MCM7: variants seen among roughly 807,000 people sequenced by gnomAD.
MCM7 encodes DNA replication licensing factor MCM7.
MCM7 carries 95 observed loss-of-function variants against 83.5 expected under a neutral mutation model. The ratio of observed to expected loss-of-function variants is 1.14; its 90% confidence interval spans 0.96 to 1.35. MCM7 has a LOEUF of 1.35. Among genes scored for constraint, MCM7 ranks in the 40% most tolerant of loss-of-function variants. The pLI is 0.00. For missense variants in MCM7, 1,087 were observed against 957.4 expected, an observed-to-expected ratio of 1.14 and a Z score of -1.79; for synonymous variants, 461 against 352.7, an observed-to-expected ratio of 1.31 and a Z score of -3.44.
At chr7:100,099,556 C>T in intron 3 of MCM7, 33 bp downstream of exon 3, 1 of 1,609,840 alleles carries the variant, frequency 6.2e-7, no homozygotes, top group Non-Finnish European at 8.5e-7. Flanking sequence ...AAACGCCTCG[C>T]CCTTTGTTTG....
intron 1 of MCM7, chr7:100,100,663 C>A (rs1431722397): frequency 1.0e-6 from 1 of 990,336 alleles, no homozygotes; most frequent in Non-Finnish European, 1.2e-6. Flanking sequence ...CCGCCTTTCC[C>A]GGGCCCGAGC....
chr7:100,100,377 A>C, intron 1 of MCM7: 3 of 1,096,026 alleles, frequency 2.7e-6, no homozygotes, highest in Non-Finnish European at 3.3e-6. Context: ...TTGGCCCCTC[A>C]CACTCCGGTC....
intron 6 of MCM7, 22 bp downstream of exon 6, chr7:100,098,556 G>C (rs1240422196): frequency 1.2e-6 from 2 of 1,613,694 alleles, no homozygotes; most frequent in Non-Finnish European, 1.7e-6. Flanking sequence ...CACCTGCCCA[G>C]GGCCACGTAC....
rs760991725 is a variant in MCM7 at position 100,097,606 on chromosome 7, C to A, written c.1117+8G>T. On this transcript the variant is annotated splice_region_variant and intron_variant, in intron 9 of 14. Coordinates refer to ENST00000303887, the MANE Select transcript of MCM7 (RefSeq NM_005916.5). The stretch of plus-strand genomic sequence containing the variant: ...TCCACCCTGAGCCTCTCCCTTGTTT[C>A]TTCTTACCCCGGATTTTCATGCCTC... 6.2e-7 allele frequency: 1 copy of A among 1,613,332 alleles called. No homozygotes were observed. Among genetic ancestry groups the A allele is most frequent in the African/African-American group, 1.3e-5 (1 of 74,892 alleles).
Position 100,097,288 on chromosome 7 carries a change from C to T in MCM7, c.1201+13G>A. On this transcript the variant is annotated intron_variant, in intron 10 of 14. Transcript: ENST00000303887. ...GTCACTATATTCACCTCCCGCAAAG[C>T]CCAACTACTTACTGCGAGGCGCCAG... 1 of 1,613,316 alleles carries T rather than the reference C, an allele frequency of 6.2e-7. No individual in the cohort carries two copies. Among genetic ancestry groups the T allele is most frequent in the Non-Finnish European group, 8.5e-7 (1 of 1,179,300 alleles).
Position 100,092,925 on chromosome 7 carries a change from G to C in MCM7, c.*7C>G. Reference sequence around the variant, plus strand: ...AAGAGGACCCCAGGGTTGCAAGCAGGCTGGAATCAGACAAAAGTGATCCGT... The same window carrying C: ...AAGAGGACCCCAGGGTTGCAAGCAGCCTGGAATCAGACAAAAGTGATCCGT... On this transcript the variant is annotated 3_prime_UTR_variant, in exon 15 of 15. Coordinates refer to ENST00000303887, the MANE Select transcript of MCM7 (RefSeq NM_005916.5). 6.2e-7 allele frequency: 1 copy of C among 1,614,190 alleles called. No individual in the cohort carries two copies. The highest frequency in any genetic ancestry group is 1.3e-5 in the African/African-American group (1 of 75,050).
intron 1 of MCM7, 116 bp from the exon 2 acceptor site, chr7:100,100,209 C>A: frequency 6.8e-7 from 1 of 1,461,578 alleles, no homozygotes; most frequent in Non-Finnish European, 9.0e-7. Flanking sequence ...TTAAATAAAC[C>A]TACCGAAGTC....
At position 100,101,368 on chromosome 7, in the gene MCM7, G is replaced by A; in HGVS notation, c.-74C>T. 1.3e-6 allele frequency: 2 copies of A among 1,595,454 alleles called. No individual in the cohort carries two copies. The highest frequency in any genetic ancestry group is 1.7e-5 in the Admixed American group (1 of 59,558). On this transcript the variant is annotated 5_prime_UTR_variant, in exon 1 of 15. Transcript: ENST00000303887. Reference sequence around the variant, plus strand: ...TCCTGGGGAAGCTGAGAATCTCCGCGCGGTGGACTGTGGCCGGCCAACCGA... The same window carrying A: ...TCCTGGGGAAGCTGAGAATCTCCGCACGGTGGACTGTGGCCGGCCAACCGA...
chr7:100,097,315 C>T lies in MCM7; in HGVS notation c.1187G>A (p.Arg396Gln), dbSNP rs748824587. The change falls in exon 10 of 15, where the codon CGA becomes CAA. Residue 396 changes from arginine to glutamine, a missense_variant. By Grantham distance (43) the Arg-to-Gln change is conservative. Transcript: ENST00000303887. ...CAACTACTTACTGCGAGGCGCCAGT[C>T]GATCAATGTATGACAGGAGCTGAGA... is the stretch of plus-strand genomic sequence containing the variant. ...AKSQLLSYIDRLAPRSQYTTG... is the reference protein window; with the variant it reads ...AKSQLLSYIDQLAPRSQYTTG... 9 of 1,613,978 alleles carry T rather than the reference C, an allele frequency of 5.6e-6. No individual in the cohort carries two copies. The highest frequency in any genetic ancestry group is 5.5e-5 in the South Asian group (5 of 91,074).
At chr7:100,095,591 G>A (rs757501920) in intron 11 of MCM7, 121 bp from the exon 12 acceptor site, 2 of 1,305,158 alleles carry the variant, frequency 1.5e-6, no homozygotes, top group Non-Finnish European at 1.1e-6. Context: ...GCTTTCCCGG[G>A]AAATCCTCAT....
rs148266409 is a variant in MCM7, at chr7:100,101,318, C to T, written c.-24G>A. ...ATCGCTGCCGAGGGCCGTGCGGCCG[C>T]GCTTGGCGGGCTCAGAGGTCTTGCT... On this transcript the variant is annotated 5_prime_UTR_variant, in exon 1 of 15. Transcript: ENST00000303887. 504 of 1,613,022 alleles carry T rather than the reference C, an allele frequency of 3.1e-4. 1 individual carries two copies. The African/African-American group carries it at 6.0e-3, about 19-fold the overall frequency.
intron 12 of MCM7, among the ~76,000 whole-genome samples, chr7:100,095,186 T>A (rs949343626): frequency 1.1e-4 from 17 of 152,110 alleles, no homozygotes; most frequent in Non-Finnish European, 1.5e-5. Flanking sequence ...AAAAAATAAA[T>A]AGTGTAGGAA....
At position 100,099,628 on chromosome 7, in the gene MCM7, A is replaced by C. The variant is rs1049771706; in HGVS notation, c.237T>G (p.Asp79Glu). The C allele has an allele frequency of 6.2e-7, 1 of 1,614,158 alleles. No individual in the cohort carries two copies. Among genetic ancestry groups the C allele is most frequent in the Non-Finnish European group, 8.5e-7 (1 of 1,180,046 alleles). ...ACTGAGGCAGCAGCTCTTGTACGGC[A>C]TCAGCAAAGAGCTTCGCGTAGCGCC... The part of the protein sequence containing the change: ...NARRYAKLFA[D>E]AVQELLPQYK... The change falls in exon 3 of 15, where the codon GAT becomes GAG. Residue 79 changes from aspartate (D) to glutamate (E), a missense_variant. Asp to Glu is a conservative substitution (Grantham distance 45). Transcript: ENST00000303887.
Position 100,097,730 on chromosome 7 carries a change from T to A in MCM7, c.1001A>T (p.Glu334Val). Residue 334 changes from glutamate to valine, a missense_variant, in exon 9 of 15, where the codon GAA (glutamate) becomes GTA (valine). Transcript: ENST00000303887. ...TGGGGCGATTGAAGCTGCCAGCTTTTCGTAGAAATCCTCCTCTGTAGAGAA... is the reference window on the plus strand; with the variant it reads ...TGGGGCGATTGAAGCTGCCAGCTTTACGTAGAAATCCTCCTCTGTAGAGAA... ...LRQIAEEDFY[E>V]KLAASIAPEI... is the part of the protein sequence containing the mutation. 1.2e-6 allele frequency: 2 copies of A among 1,614,228 alleles called. No homozygotes were observed. The highest frequency in any genetic ancestry group is 1.7e-6 in the Non-Finnish European group (2 of 1,180,038).
chr7:100,100,413 C>T (rs1159599434), intron 1 of MCM7: 9 of 1,042,572 alleles, frequency 8.6e-6, no homozygotes, highest in African/African-American at 3.4e-5. Context: ...TTCTTTCCAC[C>T]CCTATGATCC....
chr7:100,093,257 A>C (rs776459920), intron 14 of MCM7, 35 bp downstream of exon 14: 2 of 1,604,332 alleles, frequency 1.2e-6, no homozygotes, highest in Admixed American at 1.7e-5. Context: ...CAGAAGACAA[A>C]GTGACACAGC....
At position 100,092,850 on chromosome 7, in the gene MCM7, C is replaced by A; in HGVS notation, c.*82G>T. 7.0e-7 allele frequency: 1 copy of A among 1,431,470 alleles called. No individual in the cohort carries two copies. Among genetic ancestry groups the A allele is most frequent in the Non-Finnish European group, 9.8e-7 (1 of 1,020,852 alleles). 88.7% of individuals were successfully genotyped at this position (1,431,470 alleles called of 1,614,324 possible). On this transcript the variant is annotated 3_prime_UTR_variant, in exon 15 of 15. Transcript: ENST00000303887. ...ATGGGAGAAAGAGGGGCTCCTCCTT[C>A]CCCTCAAAGGCATCACTGCCCCTTC...
At chr7:100,099,437 G>C (rs187978393) in intron 3 of MCM7, 34 bp from the exon 4 acceptor site, 24 of 1,148,302 alleles carry the variant, frequency 2.1e-5, no homozygotes, top group Non-Finnish European at 2.7e-5. Context: ...AAAAAAAAAA[G>C]AGCAACAGGA....
At position 100,101,378 on chromosome 7, in the gene MCM7, G is replaced by A. The variant is rs1435937766; in HGVS notation, c.-84C>T. 1.3e-6 allele frequency: 2 copies of A among 1,582,080 alleles called. No homozygotes were observed. Among genetic ancestry groups the A allele is most frequent in the Non-Finnish European group, 1.7e-6 (2 of 1,158,496 alleles). ...GCTGAGAATCTCCGCGCGGTGGACT[G>A]TGGCCGGCCAACCGAAATTGGCGCG... On this transcript the variant is annotated 5_prime_UTR_variant, in exon 1 of 15. Coordinates refer to ENST00000303887, the MANE Select transcript of MCM7 (RefSeq NM_005916.5).
Sources: gnomAD v4.1 joint callset for allele counts (sites outside exome capture counted in the v4.1 genomes callset) on GRCh38, gnomAD v4.1.1 for gene constraint, MANE v1.5 for transcripts, NCBI Gene and HGNC (gene_info 2026-07-23, HGNC 2026-07-21) for gene names.